The following SYT1 variants were observed in gnomAD, a reference collection of about 807,000 sequenced individuals.
The protein encoded by SYT1 is synaptotagmin-1.
A neutral mutation model predicts 44.8 loss-of-function variants in SYT1; 8 were observed. The ratio of observed to expected loss-of-function variants is 0.18; its 90% CI spans 0.10 to 0.32. The LOEUF (loss-of-function observed/expected upper bound fraction) is 0.32, where lower values mean the gene tolerates loss of function less well. Among genes scored for constraint, SYT1 ranks in the 10% least tolerant of loss-of-function variants. The pLI, the probability that SYT1 is intolerant of heterozygous loss-of-function variation, is 1.00. For synonymous variants in SYT1, 154 were observed against 188.8 expected, an observed-to-expected ratio of 0.82 and a Z score of 1.51; for missense variants, 286 against 509.3, an observed-to-expected ratio of 0.56 and a Z score of 4.22.
chr12:79,369,405 G>C (rs2136045062), intron 9 of SYT1, among the ~76,000 whole-genome samples: 1 of 152,264 alleles, frequency 6.6e-6, no homozygotes, highest in Non-Finnish European at 1.5e-5. Flanking sequence ...GAGCCCAGGA[G>C]GCTCAAGCCC....
intron 9 of SYT1, among the ~76,000 whole-genome samples, chr12:79,373,005 A>G (rs1883853663): frequency 6.6e-6 from 1 of 152,186 alleles, no homozygotes; most frequent in Non-Finnish European, 1.5e-5. Flanking sequence ...AATGATCACA[A>G]ATTCTATCAG....
At chr12:79,372,969 A>C (rs1043840014) in intron 9 of SYT1, among the ~76,000 whole-genome samples, 1 of 152,234 alleles carries the variant, frequency 6.6e-6, no homozygotes, top group Non-Finnish European at 1.5e-5. Context: ...ACCAACAATA[A>C]GTAAGTACCA....
At chr12:79,229,168 A>G (rs755503309) in intron 4 of SYT1, among the ~76,000 whole-genome samples, 12 of 152,238 alleles carry the variant, frequency 7.9e-5, no homozygotes, top group Non-Finnish European at 1.2e-4. Flanking sequence ...GAGGAACAAC[A>G]GCAAAGCTGT....
chr12:79,231,048 A>C (rs1875838423), intron 4 of SYT1, among the ~76,000 whole-genome samples: 1 of 152,220 alleles, frequency 6.6e-6, no homozygotes, highest in African/African-American at 2.4e-5. Flanking sequence ...TGACAGAATA[A>C]GAGAAGCTGG....
intron 1 of SYT1, among the ~76,000 whole-genome samples, chr12:78,968,366 T>C (rs1358492877): frequency 1.3e-5 from 2 of 152,044 alleles, no homozygotes; most frequent in East Asian, 3.9e-4. Context: ...TAAAGATTCA[T>C]ACACCCCTCT....
intron 1 of SYT1, among the ~76,000 whole-genome samples, chr12:78,940,960 A>G (rs1878315590): frequency 6.6e-6 from 1 of 151,912 alleles, no homozygotes; most frequent in Non-Finnish European, 1.5e-5. Context: ...GCGAAGTTGA[A>G]TATTTAATTG....
intron 1 of SYT1, among the ~76,000 whole-genome samples, chr12:78,956,587 GAA>G (rs71441945): frequency 3.9e-4 from 57 of 144,762 alleles, no homozygotes; most frequent in African/African-American, 1.3e-3. Context: ...CATCAAAAAT[GAA>G]AAAAAAAAAG....
At chr12:79,066,464 A>T (rs1176867704) in intron 3 of SYT1, among the ~76,000 whole-genome samples, 1 of 150,522 alleles carries the variant, frequency 6.6e-6, no homozygotes, top group East Asian at 2.0e-4. Context: ...ATTAAGCATC[A>T]CATCTCTTGG....
intron 3 of SYT1, among the ~76,000 whole-genome samples, chr12:79,147,981 C>T (rs1386014510): frequency 6.6e-6 from 1 of 151,958 alleles, no homozygotes; most frequent in Non-Finnish European, 1.5e-5. Flanking sequence ...GTAGTAATTA[C>T]TTACTGAAGG....
At chr12:79,359,465 C>G (rs1007597757) in intron 9 of SYT1, among the ~76,000 whole-genome samples, 7 of 152,246 alleles carry the variant, frequency 4.6e-5, no homozygotes, top group African/African-American at 1.7e-4. Flanking sequence ...CTGTGAAAAG[C>G]AACATTTGGG....
intron 2 of SYT1, among the ~76,000 whole-genome samples, chr12:79,009,775 T>C (rs191616412): frequency 6.6e-6 from 1 of 152,284 alleles, no homozygotes; most frequent in Non-Finnish European, 1.5e-5. Flanking sequence ...TGTTTCCCCA[T>C]CAATATCAAT....
chr12:79,203,095 ATTT>A (rs67136459), intron 3 of SYT1, among the ~76,000 whole-genome samples: 44 of 152,110 alleles, frequency 2.9e-4, no homozygotes, highest in African/African-American at 9.4e-4. Context: ...GGAAAAAAAA[ATTT>A]TTTTATTGTG....
chr12:78,893,663 T>C (rs1016437286), intron 1 of SYT1, among the ~76,000 whole-genome samples: 1 of 151,788 alleles, frequency 6.6e-6, no homozygotes, highest in African/African-American at 2.4e-5. Context: ...CAATATGTTA[T>C]GAAAACAAAC....
At chr12:79,051,758 A>G (rs1379330898) in intron 3 of SYT1, among the ~76,000 whole-genome samples, 1 of 152,004 alleles carries the variant, frequency 6.6e-6, no homozygotes, top group Admixed American at 6.6e-5. Context: ...CTATAGTGAT[A>G]TTTAATTTAA....
intron 3 of SYT1, among the ~76,000 whole-genome samples, chr12:79,164,139 A>G (rs1246915818): frequency 2.6e-5 from 4 of 152,106 alleles, no homozygotes; most frequent in African/African-American, 9.7e-5. Flanking sequence ...TAAGCATGGT[A>G]TTATCGTAGG....
intron 9 of SYT1, among the ~76,000 whole-genome samples, chr12:79,357,262 A>G (rs1349113189): frequency 6.6e-6 from 1 of 152,238 alleles, no homozygotes; most frequent in East Asian, 1.9e-4. Flanking sequence ...GACTATGCAC[A>G]TCTCTACAGT....
intron 3 of SYT1, among the ~76,000 whole-genome samples, chr12:79,168,039 C>T (rs1278057326): frequency 2.0e-5 from 3 of 152,100 alleles, no homozygotes; most frequent in Non-Finnish European, 2.9e-5. Context: ...CTCCATCTGC[C>T]ACTCACCTCC....
intron 2 of SYT1, among the ~76,000 whole-genome samples, chr12:79,032,938 A>G (rs1872913927): frequency 6.6e-6 from 1 of 151,360 alleles, no homozygotes; most frequent in South Asian, 2.1e-4. Flanking sequence ...AAAGAATTTG[A>G]ATTTCAAATT....
intron 3 of SYT1, among the ~76,000 whole-genome samples, chr12:79,175,188 A>G (rs1871783593): frequency 6.6e-6 from 1 of 152,064 alleles, no homozygotes; most frequent in Non-Finnish European, 1.5e-5. Context: ...CTTACACTGT[A>G]TTCAATTTTA....
Sources: gnomAD v4.1 joint callset for allele counts (sites outside exome capture counted in the v4.1 genomes callset) on GRCh38, gnomAD v4.1.1 for gene constraint, MANE v1.5 for transcripts, NCBI Gene and HGNC (gene_info 2026-07-23, HGNC 2026-07-21) for gene names.